GABPB1: variants seen among roughly 807,000 people sequenced by gnomAD.
GABPB1 encodes GA binding protein transcription factor subunit beta 1, also known as GA-binding protein subunit beta-1.
In GABPB1, 15 loss-of-function variants were observed where a neutral mutation model predicts 45.9. That is an observed-to-expected ratio of 0.33 (90% CI 0.22 to 0.50). The LOEUF (loss-of-function observed/expected upper bound fraction) is 0.50. Among genes scored for constraint, GABPB1 ranks in the 20% least tolerant of loss-of-function variants. The pLI, the probability that GABPB1 is intolerant of heterozygous loss-of-function variation, is 0.98. For synonymous variants in GABPB1, 143 were observed against 154.4 expected, an observed-to-expected ratio of 0.93 and a Z score of 0.55; for missense variants, 252 against 457.5, an observed-to-expected ratio of 0.55 and a Z score of 4.10.
chr15:50,350,393 C>T (rs923570346), intron 1 of GABPB1: 1 of 147,128 alleles, frequency 6.8e-6, no homozygotes. Flanking sequence ...TATTCACACA[C>T]ATCTTTACTA....
At chr15:50,354,810 C>G (rs1315260867) in intron 1 of GABPB1, 175 bp downstream of exon 1, 1 of 226,698 alleles carries the variant, frequency 4.4e-6, no homozygotes. Context: ...CCGACCCCGC[C>G]GACCCCCGCG....
intron 1 of GABPB1, among the ~76,000 whole-genome samples, chr15:50,310,686 T>G (rs1308120713): frequency 6.6e-6 from 1 of 152,156 alleles, no homozygotes; most frequent in Non-Finnish European, 1.5e-5. Flanking sequence ...ACTGTCTCAT[T>G]AGAGGCTAGA....
chr15:50,330,657 C>G (rs980663406), intron 1 of GABPB1, among the ~76,000 whole-genome samples: 2 of 152,220 alleles, frequency 1.3e-5, no homozygotes, highest in Admixed American at 6.5e-5. Flanking sequence ...TACATCCTTT[C>G]TCTCCAAATG....
At position 50,341,629 on chromosome 15, in the gene GABPB1, C is replaced by T. The variant is rs560220764; in HGVS notation, c.-1+13356G>A. Among the ~76,000 whole-genome samples, 3 of 152,242 alleles carry T rather than the reference C, an allele frequency of 2.0e-5. No homozygotes were observed. In the South Asian group the frequency reaches 6.2e-4, roughly 32 times the overall value. Reference sequence around the variant, plus strand: ...TGAGCCTGAAATATGAATCTATTTCCTCAGTAGGTCTCAGTTCTCAAATGC... The same window carrying T: ...TGAGCCTGAAATATGAATCTATTTCTTCAGTAGGTCTCAGTTCTCAAATGC... On this transcript the variant is annotated intron_variant, in intron 1 of 8. Transcript: ENST00000380877.
At chr15:50,286,630 T>A (rs889690976) in intron 7 of GABPB1, among the ~76,000 whole-genome samples, 12 of 152,330 alleles carry the variant, frequency 7.9e-5, no homozygotes, top group Middle Eastern at 3.4e-3. Flanking sequence ...GTTCTGCATC[T>A]GCTTTTTTCA....
At chr15:50,307,568 G>A (rs1361496942) in intron 2 of GABPB1, among the ~76,000 whole-genome samples, 3 of 152,004 alleles carry the variant, frequency 2.0e-5, no homozygotes, top group East Asian at 1.9e-4. Flanking sequence ...TGGGCTTGGT[G>A]GTGGGTGCCT....
At chr15:50,286,848 C>G (rs1199064369) in intron 7 of GABPB1, among the ~76,000 whole-genome samples, 1 of 152,126 alleles carries the variant, frequency 6.6e-6, no homozygotes, top group African/African-American at 2.4e-5. Context: ...TTGCTTTGCA[C>G]AGCACTACAG....
At chr15:50,292,346 A>G (rs1354704097) in intron 6 of GABPB1, among the ~76,000 whole-genome samples, 1 of 151,074 alleles carries the variant, frequency 6.6e-6, no homozygotes, top group East Asian at 1.9e-4. Context: ...AAGATAAATC[A>G]TTGTAACTTC....
intron 2 of GABPB1, among the ~76,000 whole-genome samples, chr15:50,308,612 T>C (rs2047024040): frequency 6.6e-6 from 1 of 152,202 alleles, no homozygotes. Context: ...CTCAGGTCTT[T>C]AGCTTTAGTA....
intron 8 of GABPB1, among the ~76,000 whole-genome samples, chr15:50,285,177 CG>C (rs1447240389): frequency 2.0e-5 from 3 of 152,100 alleles, no homozygotes; most frequent in Non-Finnish European, 2.9e-5. Context: ...ACTACAAACA[CG>C]TATCAGATAT....
In GABPB1 at chr15:50,302,643, CAAAAAAAAAAAAA is replaced by C. The variant is rs60408137; in HGVS notation, c.471+273_471+285del. ...TGGGGGACAGATCAAGACTCTGGCT[CAAAAAAAAAAAAA>C]AAAAAAAAAAAAAGGTCTAAAGGGA... On this transcript the variant is annotated intron_variant, in intron 4 of 8. Transcript: ENST00000380877. 6.3e-4 allele frequency among the ~76,000 whole-genome samples: 39 copies of C among 62,184 alleles called. 1 individual carries two copies. The highest frequency in any genetic ancestry group is 4.9e-3 in the South Asian group (8 of 1,630). 40.8% of individuals were successfully genotyped at this position (62,184 alleles called of 152,430 possible).
At chr15:50,324,850 G>A (rs2047695397) in intron 1 of GABPB1, among the ~76,000 whole-genome samples, 1 of 151,932 alleles carries the variant, frequency 6.6e-6, no homozygotes, top group African/African-American at 2.4e-5. Flanking sequence ...CCTGGCCTCT[G>A]TAGTTCTTTC....
At chr15:50,285,872 C>T (rs2046135402) in intron 8 of GABPB1, 196 bp downstream of exon 8, 1 of 1,347,434 alleles carries the variant, frequency 7.4e-7, no homozygotes, top group South Asian at 2.0e-5. Flanking sequence ...AAATTCTTCA[C>T]TCACTCATTC....
At chr15:50,326,576 C>T (rs950507532) in intron 1 of GABPB1, among the ~76,000 whole-genome samples, 16 of 151,992 alleles carry the variant, frequency 1.1e-4, no homozygotes, top group African/African-American at 3.4e-4. Context: ...GCAGGAGAAT[C>T]GCTAGAACCC....
intron 1 of GABPB1, among the ~76,000 whole-genome samples, chr15:50,339,184 G>C (rs1253852179): frequency 6.6e-6 from 1 of 152,130 alleles, no homozygotes; most frequent in African/African-American, 2.4e-5. Context: ...CAGGCATGGT[G>C]GTGCGTGCCT....
At chr15:50,297,103 G>A (rs182268241) in intron 6 of GABPB1, among the ~76,000 whole-genome samples, 1 of 151,718 alleles carries the variant, frequency 6.6e-6, no homozygotes, top group African/African-American at 2.4e-5. Context: ...TAGAGATGGA[G>A]TTTCACCATG....
intron 1 of GABPB1, among the ~76,000 whole-genome samples, chr15:50,333,127 T>A (rs919942760): frequency 6.6e-6 from 1 of 152,016 alleles, no homozygotes; most frequent in African/African-American, 2.4e-5. Flanking sequence ...AAGTACTCAA[T>A]AGCCCTATGT....
intron 1 of GABPB1, among the ~76,000 whole-genome samples, chr15:50,333,092 TA>T (rs2048000449): frequency 6.6e-6 from 1 of 152,140 alleles, no homozygotes; most frequent in South Asian, 2.1e-4. Flanking sequence ...CCAATAAACT[TA>T]AAAATTCAGT....
intron 1 of GABPB1, among the ~76,000 whole-genome samples, chr15:50,325,587 A>G (rs1342104544): frequency 6.6e-6 from 1 of 151,700 alleles, no homozygotes; most frequent in South Asian, 2.1e-4. Flanking sequence ...GCTGGAGTGC[A>G]GTGGCACGAT....
Sources: allele counts gnomAD v4.1 joint callset (sites outside exome capture counted in the v4.1 genomes callset), GRCh38; gene constraint gnomAD v4.1.1; transcripts MANE v1.5; gene names NCBI Gene and HGNC (gene_info 2026-07-23, HGNC 2026-07-21).